Variants in NDUFAF5 observed in about 807,000 individuals in gnomAD.
NDUFAF5 encodes the protein arginine-hydroxylase NDUFAF5, mitochondrial.
A neutral mutation model predicts 48.9 loss-of-function variants in NDUFAF5; 34 were observed. The ratio of observed to expected loss-of-function variants is 0.70; its 90% CI spans 0.53 to 0.93. The LOEUF is 0.93. Ranked by LOEUF, NDUFAF5 falls within the 40% of genes least tolerant of loss-of-function variation. NDUFAF5 has a pLI of 0.00. For synonymous variants in NDUFAF5, 153 were observed against 150.6 expected (o/e 1.02, Z -0.12); for missense variants, 428 against 427.5 (o/e 1.00, Z -0.01).
intron 1 of NDUFAF5, among the ~76,000 whole-genome samples, chr20:13,785,856 A>G (rs1237842183): frequency 2.0e-5 from 3 of 152,224 alleles, no homozygotes; most frequent in Non-Finnish European, 4.4e-5. Context: ...TTAAATATAA[A>G]TTTAAATTTT....
At chr20:13,809,403 A>T (rs1407745591) in intron 8 of NDUFAF5, among the ~76,000 whole-genome samples, 2 of 152,224 alleles carry the variant, frequency 1.3e-5, no homozygotes, top group African/African-American at 4.8e-5. Flanking sequence ...CTAAAAAAAA[A>T]TGGAGATGAA....
Position 13,798,563 on chromosome 20 carries a change from G to C in NDUFAF5, c.519+63G>C, listed in dbSNP as rs932840295. The C allele has an allele frequency of 3.2e-6, 4 of 1,267,338 alleles. No individual in the cohort carries two copies. The African/African-American group carries it at 5.9e-5, about 19-fold the overall frequency. The allele number at this position is 1,267,338 out of a possible 1,614,324, so 78.5% of individuals were successfully genotyped here. ...TTTTCTTTATTGTTAGAAATCTACA[G>C]ATGTTTCTATTTTCACATACTATTT... On this transcript the variant is annotated intron_variant, in intron 6 of 10. Coordinates refer to ENST00000378106, the MANE Select transcript of NDUFAF5 (RefSeq NM_024120.5).
At chr20:13,810,224 G>A (rs1032496155) in intron 8 of NDUFAF5, among the ~76,000 whole-genome samples, 2 of 152,168 alleles carry the variant, frequency 1.3e-5, no homozygotes, top group Middle Eastern at 3.2e-3. Flanking sequence ...GGTAGTCGAC[G>A]TCTGAGCCTA....
In NDUFAF5 at chr20:13,802,671, CAAAAAAA is replaced by C. The variant is rs11472201; in HGVS notation, c.717+1001_717+1007del. On this transcript the variant is annotated intron_variant, in intron 7 of 10. Coordinates refer to ENST00000378106, the MANE Select transcript of NDUFAF5 (RefSeq NM_024120.5). Reference sequence around the variant, plus strand: ...GGCAACAAGAGTGAAATTCCCGTCTCAAAAAAAAAAAAAAAAAAAGCAAATGTTACTC... The same window carrying C: ...GGCAACAAGAGTGAAATTCCCGTCTCAAAAAAAAAAAAGCAAATGTTACTC... 3.0e-3 allele frequency among the ~76,000 whole-genome samples: 307 copies of C among 102,864 alleles called. 2 individuals carry two copies. Among genetic ancestry groups the C allele is most frequent in the Admixed American group, 0.027 (246 of 9,152 alleles). 67.5% of individuals were successfully genotyped at this position (102,864 alleles called of 152,430 possible). A position where few individuals can be genotyped will look rare whatever the true frequency, so the allele number is the denominator to read the frequency against.
At chr20:13,803,770 AT>A (rs765162001) in intron 7 of NDUFAF5, among the ~76,000 whole-genome samples, 6 of 152,162 alleles carry the variant, frequency 3.9e-5, no homozygotes, top group Non-Finnish European at 7.3e-5. Context: ...TTAATAAAAA[AT>A]AACTATATTT....
In NDUFAF5 at chr20:13,819,285, T is replaced by C. The variant is rs1986817821; in HGVS notation, c.*2075T>C. 1.3e-5 allele frequency: 2 copies of C among 152,260 alleles called. No individual in the cohort carries two copies. The highest frequency in any genetic ancestry group is 1.3e-4 in the Admixed American group (2 of 15,290). 9.4% of individuals were successfully genotyped at this position (152,260 alleles called of 1,614,324 possible). On this transcript the variant is annotated 3_prime_UTR_variant, in exon 11 of 11. Transcript: ENST00000378106. Reference sequence around the variant, plus strand: ...AGCAATGAAACTTTTAAAAGGTCTTTATCAAAAATTTTTCATAAATGTTAC... The same window carrying C: ...AGCAATGAAACTTTTAAAAGGTCTTCATCAAAAATTTTTCATAAATGTTAC...
intron 7 of NDUFAF5, among the ~76,000 whole-genome samples, chr20:13,806,247 C>A (rs1194937181): frequency 6.6e-6 from 1 of 152,168 alleles, no homozygotes. Context: ...GTGGCTCACG[C>A]CTCTAATCCT....
At chr20:13,798,527 A>G (rs764525037) in intron 6 of NDUFAF5, 27 bp downstream of exon 6, 3 of 1,541,914 alleles carry the variant, frequency 1.9e-6, no homozygotes, top group East Asian at 2.3e-5. Flanking sequence ...TCATTCAACT[A>G]TCTTGTGTTA....
intron 7 of NDUFAF5, 147 bp downstream of exon 7, chr20:13,801,830 AT>A: frequency 3.0e-6 from 2 of 665,632 alleles, no homozygotes; most frequent in Middle Eastern, 4.0e-4. Context: ...AAAAGCTCTG[AT>A]TGACAATGTT....
intron 1 of NDUFAF5, chr20:13,787,087 A>G (rs1482357019): frequency 6.9e-6 from 4 of 576,616 alleles, no homozygotes; most frequent in East Asian, 3.1e-5. Flanking sequence ...GTGTGTGTAT[A>G]TGTATATTTT....
At chr20:13,803,188 A>C (rs764166798) in intron 7 of NDUFAF5, 4 of 152,232 alleles carry the variant, frequency 2.6e-5, no homozygotes, top group African/African-American at 9.6e-5. Flanking sequence ...CTGATGTTGG[A>C]AAGGAGCCTC....
intron 8 of NDUFAF5, chr20:13,814,534 T>G: frequency 8.5e-7 from 1 of 1,174,712 alleles, no homozygotes; most frequent in Non-Finnish European, 1.1e-6. Flanking sequence ...AGTTATTTTT[T>G]TAAACAATAC....
At chr20:13,789,497 A>G (rs1221473255) in intron 3 of NDUFAF5, among the ~76,000 whole-genome samples, 2 of 138,880 alleles carry the variant, frequency 1.4e-5, no homozygotes, top group African/African-American at 5.4e-5. Context: ...TTTTTTTGAG[A>G]CAGAGTCTCG....
intron 7 of NDUFAF5, among the ~76,000 whole-genome samples, chr20:13,805,489 T>G (rs1242798754): frequency 6.6e-6 from 1 of 152,212 alleles, no homozygotes; most frequent in African/African-American, 2.4e-5. Flanking sequence ...TGACTCATAC[T>G]TTAATATAAT....
intron 7 of NDUFAF5, among the ~76,000 whole-genome samples, chr20:13,802,653 A>G (rs1040522870): frequency 1.4e-5 from 2 of 140,328 alleles, no homozygotes; most frequent in African/African-American, 2.7e-5. Context: ...CTGGGCAACA[A>G]GAGTGAAATT....
At chr20:13,808,196 C>T (rs1288253125) in intron 7 of NDUFAF5, among the ~76,000 whole-genome samples, 1 of 151,988 alleles carries the variant, frequency 6.6e-6, no homozygotes, top group Non-Finnish European at 1.5e-5. Flanking sequence ...CTTTCTTTGG[C>T]CAAAAGAAAT....
Position 13,819,558 on chromosome 20 carries a change from G to C in NDUFAF5, c.*2348G>C, listed in dbSNP as rs948699555. ...TAATTTTTGTATTTTTAATAGAGAT[G>C]GGGTTTCACCATGTTGGCCAGGATG... On this transcript the variant is annotated 3_prime_UTR_variant, in exon 11 of 11. Transcript: ENST00000378106. 1.4e-4 allele frequency: 21 copies of C among 152,062 alleles called. No homozygotes were observed. The highest frequency in any genetic ancestry group is 4.8e-4 in the African/African-American group (20 of 41,390). 9.4% of individuals were successfully genotyped at this position (152,062 alleles called of 1,614,324 possible). A position where few individuals can be genotyped will look rare whatever the true frequency, so the allele number is the denominator to read the frequency against.
chr20:13,796,626 C>A (rs1983258660), intron 5 of NDUFAF5, among the ~76,000 whole-genome samples: 1 of 152,236 alleles, frequency 6.6e-6, no homozygotes, highest in African/African-American at 2.4e-5. Context: ...TCTAAGGAGA[C>A]TGGGAATATG....
At chr20:13,807,229 G>A (rs749539712) in intron 7 of NDUFAF5, among the ~76,000 whole-genome samples, 1 of 152,028 alleles carries the variant, frequency 6.6e-6, no homozygotes, top group Non-Finnish European at 1.5e-5. Flanking sequence ...TGTATTTTTA[G>A]TAGAGATGGG....
Sources: gnomAD v4.1 joint callset for allele counts (sites outside exome capture counted in the v4.1 genomes callset) on GRCh38, gnomAD v4.1.1 for gene constraint, MANE v1.5 for transcripts, NCBI Gene and HGNC (gene_info 2026-07-23, HGNC 2026-07-21) for gene names.